The following CPNE5 variants were observed in gnomAD, a reference collection of about 807,000 sequenced individuals.
The protein encoded by CPNE5 is copine 5.
A neutral mutation model predicts 81.1 loss-of-function variants in CPNE5; 42 were observed. The ratio of observed to expected loss-of-function variants is 0.52; its 90% CI spans 0.40 to 0.67. The LOEUF is 0.67. CPNE5 is among the 30% of genes least tolerant of loss of function. The pLI, the probability that CPNE5 is intolerant of heterozygous loss-of-function variation, is 0.00. For missense variants in CPNE5, 612 were observed against 815.5 expected, an observed-to-expected ratio of 0.75 and a Z score of 3.04; for synonymous variants, 313 against 321.5, an observed-to-expected ratio of 0.97 and a Z score of 0.28.
At chr6:36,838,485 G>A (rs925411077) in intron 1 of CPNE5, among the ~76,000 whole-genome samples, 5 of 152,158 alleles carry the variant, frequency 3.3e-5, no homozygotes, top group African/African-American at 1.2e-4. Flanking sequence ...GAGAACCTGG[G>A]GTCGACCCAG....
intron 7 of CPNE5, chr6:36,792,325 C>T: frequency 6.6e-7 from 1 of 1,525,134 alleles, no homozygotes; most frequent in South Asian, 1.2e-5. Flanking sequence ...ACCCCCTGCT[C>T]CCCGAGAGCC....
chr6:36,792,581 C>T (rs1273711182), intron 7 of CPNE5: 11 of 442,340 alleles, frequency 2.5e-5, no homozygotes, highest in East Asian at 7.1e-5. Context: ...GGTGGGCCCT[C>T]GCTGGCAGCT....
chr6:36,776,505 G>A (rs949157026), intron 9 of CPNE5, among the ~76,000 whole-genome samples: 3 of 152,172 alleles, frequency 2.0e-5, no homozygotes, highest in African/African-American at 7.2e-5. Context: ...AGGTGGGGCA[G>A]GAAGAGGAGC....
intron 8 of CPNE5, among the ~76,000 whole-genome samples, chr6:36,789,202 G>A (rs560918668): frequency 2.1e-3 from 326 of 152,348 alleles, no homozygotes; most frequent in Non-Finnish European, 3.6e-3. Context: ...GGAAGGGAGG[G>A]CGCTCCCTGC....
chr6:36,829,172 G>A (rs1772772007), intron 1 of CPNE5, among the ~76,000 whole-genome samples: 2 of 152,138 alleles, frequency 1.3e-5, no homozygotes, highest in African/African-American at 2.4e-5. Flanking sequence ...TGAGGAGAGA[G>A]TGGGGACAGG....
rs547128216 is a variant in CPNE5 at position 36,789,907 on chromosome 6, G to A, written c.528+2126C>T. 3.3e-5 allele frequency among the ~76,000 whole-genome samples: 5 copies of A among 152,296 alleles called. No individual in the cohort carries two copies. The East Asian group carries it at 7.7e-4, about 23-fold the overall frequency. On this transcript the variant is annotated intron_variant, in intron 8 of 20. Transcript: ENST00000244751. ...ACTGAGATTAACAGATAAGCAACCC[G>A]GGTGAGCAGTCACATATGAATTTTT...
intron 2 of CPNE5, among the ~76,000 whole-genome samples, chr6:36,822,470 T>C (rs1206266241): frequency 9.2e-5 from 14 of 151,778 alleles, no homozygotes; most frequent in African/African-American, 2.4e-5. Context: ...AGGAGAAGGG[T>C]CGGCACCATT....
chr6:36,827,816 T>C, intron 1 of CPNE5: 1 of 918,856 alleles, frequency 1.1e-6, no homozygotes, highest in Non-Finnish European at 1.3e-6. Context: ...GTACTTTTTC[T>C]CCACTTTCTT....
At chr6:36,744,471 G>T in intron 18 of CPNE5, 146 bp from the exon 19 acceptor site, 1 of 678,056 alleles carries the variant, frequency 1.5e-6, no homozygotes, top group Non-Finnish European at 2.6e-6. Context: ...CACAGAAAAG[G>T]GGGTAGGGAG....
chr6:36,823,951 G>A (rs980118850), intron 1 of CPNE5, among the ~76,000 whole-genome samples: 41 of 152,140 alleles, frequency 2.7e-4, no homozygotes, highest in African/African-American at 8.9e-4. Context: ...GGTATCCCTC[G>A]TTTCACAGCG....
intron 3 of CPNE5, among the ~76,000 whole-genome samples, chr6:36,809,253 TGA>T (rs999886804): frequency 9.4e-5 from 14 of 149,106 alleles, no homozygotes; most frequent in African/African-American, 3.5e-4. Context: ...AGAGAGAGAT[TGA>T]GAGAGAGAGA....
chr6:36,753,085 AG>A lies in CPNE5; in HGVS notation c.919del (p.Leu307PhefsTer45). 1 of 1,613,342 alleles carries A rather than the reference AG, an allele frequency of 6.2e-7. No homozygotes were observed. Among genetic ancestry groups the A allele is most frequent in the Non-Finnish European group, 8.5e-7 (1 of 1,179,358 alleles). ...KYVNSGTVTL[L>X]SFAVESECTF... ...GCACTCTGACTCCACAGCAAAGGAAAGCAGGGTGACCTTCAAAACAAAAGGG... is the reference window on the plus strand; with the variant it reads ...GCACTCTGACTCCACAGCAAAGGAAACAGGGTGACCTTCAAAACAAAAGGG... On this transcript the variant is annotated frameshift_variant, in exon 14 of 21. Coordinates refer to ENST00000244751, the MANE Select transcript of CPNE5 (RefSeq NM_020939.2). LOFTEE classifies it high-confidence loss of function.
chr6:36,753,244 C>T (rs1765042886), intron 13 of CPNE5, 149 bp from the exon 14 acceptor site: 1 of 604,534 alleles, frequency 1.7e-6, no homozygotes, highest in Admixed American at 2.7e-5. Flanking sequence ...CCATGAAGTA[C>T]TATTATTATC....
rs1766193137 is a variant in CPNE5 at position 36,762,911 on chromosome 6, C to T, written c.855+6G>A. ...GCAAACCCTGGATTTCGGGTGCCCA[C>T]CTCACCTCATAGATGTTGAATTGGC... On this transcript the variant is annotated splice_donor_region_variant and intron_variant, in intron 12 of 20. Transcript: ENST00000244751. 1 of 1,613,698 alleles carries T rather than the reference C, an allele frequency of 6.2e-7. No individual in the cohort carries two copies. The highest frequency in any genetic ancestry group is 8.5e-7 in the Non-Finnish European group (1 of 1,179,680).
At chr6:36,788,034 CTTTTT>C (rs761359601) in intron 8 of CPNE5, among the ~76,000 whole-genome samples, 1 of 138,228 alleles carries the variant, frequency 7.2e-6, no homozygotes, top group Admixed American at 7.3e-5. Flanking sequence ...CCTACCTTTT[CTTTTT>C]TTTTTTTTTT....
chr6:36,780,022 T>G (rs1159977298), intron 8 of CPNE5, among the ~76,000 whole-genome samples: 2 of 151,260 alleles, frequency 1.3e-5, no homozygotes, highest in African/African-American at 2.4e-5. Flanking sequence ...TGGAGTGCAG[T>G]GGCGCCATCT....
In CPNE5 at chr6:36,839,166, TG is replaced by T; in HGVS notation, c.95+116del. On this transcript the variant is annotated intron_variant, in intron 1 of 20. Coordinates refer to ENST00000244751, the MANE Select transcript of CPNE5 (RefSeq NM_020939.2). This position sits in a 1 kb window ranked among gnomAD's most constrained non-coding sequence, Gnocchi z 7.3. ...TGGCAGATCGGCAGGGGCGCAGTCC[TG>T]GAGACCAGGACACTCTGGGAAGGGG... 2.7e-6 allele frequency: 2 copies of T among 732,008 alleles called. No individual in the cohort carries two copies. The highest frequency in any genetic ancestry group is 4.3e-6 in the Non-Finnish European group (2 of 466,006). The allele number at this position is 732,008 out of a possible 1,614,324, so 45.3% of individuals were successfully genotyped here. A position where few individuals can be genotyped will look rare whatever the true frequency, so the allele number is the denominator to read the frequency against.
rs547069318 is a variant in CPNE5, at chr6:36,833,017, G to A, written c.95+6266C>T. Among the ~76,000 whole-genome samples the A allele has an allele frequency of 2.6e-5, 4 of 152,322 alleles. No individual in the cohort carries two copies. The East Asian group carries it at 7.7e-4, about 29-fold the overall frequency. On this transcript the variant is annotated intron_variant, in intron 1 of 20. Transcript: ENST00000244751. ...GGTTTGCTGCTCAGAACCACAGGCA[G>A]CTGTTAGCAAGGAAGGCCTCTCCCA... is the stretch of plus-strand genomic sequence containing the variant.
rs1221043595 is a variant in CPNE5, at chr6:36,794,653, TGG to T, written c.405-6_405-5del. Reference sequence around the variant, plus strand: ...ATTCAGGCTGAATGCGCCTATCCTGTGGAGAGAGAGGGGGAGAGAGAGCATGC... The same window carrying T: ...ATTCAGGCTGAATGCGCCTATCCTGTAGAGAGAGGGGGAGAGAGAGCATGC... On this transcript the variant is annotated splice_region_variant and splice_polypyrimidine_tract_variant and intron_variant, in intron 6 of 20. Coordinates refer to ENST00000244751, the MANE Select transcript of CPNE5 (RefSeq NM_020939.2). 6.2e-7 allele frequency: 1 copy of T among 1,613,170 alleles called. No homozygotes were observed.
Sources: gnomAD v4.1 joint callset for allele counts (sites outside exome capture counted in the v4.1 genomes callset) on GRCh38, gnomAD v4.1.1 for gene constraint, Gnocchi (gnomAD v3.1) non-coding constraint, MANE v1.5 for transcripts, NCBI Gene and HGNC (gene_info 2026-07-23, HGNC 2026-07-21) for gene names.